The following FANCA variants were observed in gnomAD, a reference collection of about 807,000 sequenced individuals.
FANCA encodes FA complementation group A, also known as Fanconi anemia group A protein.
A neutral mutation model predicts 194.3 loss-of-function variants in FANCA; 236 were observed. That is an observed-to-expected ratio of 1.21 (90% CI 1.09 to 1.35). The LOEUF (loss-of-function observed/expected upper bound fraction) is 1.35, where lower values mean the gene tolerates loss of function less well. FANCA is among the 40% of genes most tolerant of loss of function. FANCA has a pLI of 0.00. For synonymous variants in FANCA, 1,014 were observed against 715.8 expected (o/e 1.42, Z -6.65); for missense variants, 2,628 against 1,813.9 (o/e 1.45, Z -8.15).
chr16:89,811,484 T>C (rs17225789), intron 3 of FANCA, among the ~76,000 whole-genome samples: 3,857 of 152,252 alleles, frequency 0.025, 170 homozygotes, highest in African/African-American at 0.088. Flanking sequence ...ACATTGATGG[T>C]TGTGATAAAA....
chr16:89,761,736 T>C (rs540258223), intron 29 of FANCA, among the ~76,000 whole-genome samples: 1 of 152,274 alleles, frequency 6.6e-6, no homozygotes, highest in South Asian at 2.1e-4. Context: ...GCAATGCTCC[T>C]GCTCAGCTTC....
In FANCA at chr16:89,814,371, A is replaced by C. The variant is rs1281414776; in HGVS notation, c.283+149T>G. 47 of 605,600 alleles carry C rather than the reference A, an allele frequency of 7.8e-5. No homozygotes were observed. In the East Asian group the frequency reaches 1.3e-3, roughly 17 times the overall value. 37.5% of individuals were successfully genotyped at this position (605,600 alleles called of 1,614,324 possible). The stretch of plus-strand genomic sequence containing the variant: ...CGTAAGAAGCCCAAGAGCAAGTCAC[A>C]CAAACATCCCATAGAATTTGCGACT... On this transcript the variant is annotated intron_variant, in intron 3 of 42. Transcript: ENST00000389301.
At chr16:89,808,852 G>A (rs1255261908) in intron 5 of FANCA, among the ~76,000 whole-genome samples, 3 of 151,234 alleles carry the variant, frequency 2.0e-5, no homozygotes, top group East Asian at 1.9e-4. Context: ...CACTGTGCCT[G>A]TCACACTGCC....
At chr16:89,740,148 C>A in intron 38 of FANCA, 49 bp from the exon 39 acceptor site, 1 of 1,466,300 alleles carries the variant, frequency 6.8e-7, no homozygotes, top group South Asian at 1.1e-5. Flanking sequence ...CTGGTGCTCC[C>A]ATGGGTAGGA....
rs1040737674 is a variant in FANCA at position 89,770,314 on chromosome 16, T to G, written c.2223-55A>C. On this transcript the variant is annotated intron_variant, in intron 24 of 42. Coordinates refer to ENST00000389301, the MANE Select transcript of FANCA (RefSeq NM_000135.4). ...CTAGCCATTCAGTCCTGCACATCCCTCCAACAGCTAATCCAACCACCAGCG... is the reference window on the plus strand; with the variant it reads ...CTAGCCATTCAGTCCTGCACATCCCGCCAACAGCTAATCCAACCACCAGCG... The G allele has an allele frequency of 2.1e-6, 3 of 1,429,918 alleles. No homozygotes were observed. In the East Asian group the frequency reaches 7.4e-5, roughly 35 times the overall value. 88.6% of individuals were successfully genotyped at this position (1,429,918 alleles called of 1,614,324 possible).
At chr16:89,762,481 C>A (rs977893506) in intron 28 of FANCA, among the ~76,000 whole-genome samples, 1 of 151,492 alleles carries the variant, frequency 6.6e-6, no homozygotes, top group Admixed American at 6.6e-5. Context: ...GTGGTCCCAG[C>A]CTCTTGGGAG....
chr16:89,801,699 C>T (rs865838397), intron 8 of FANCA, among the ~76,000 whole-genome samples: 1 of 152,022 alleles, frequency 6.6e-6, no homozygotes, highest in Admixed American at 6.6e-5. Flanking sequence ...ACCATCCTAG[C>T]CAACAGAGTG....
At chr16:89,768,261 T>C (rs1382523004) in intron 26 of FANCA, among the ~76,000 whole-genome samples, 1 of 152,174 alleles carries the variant, frequency 6.6e-6, no homozygotes, top group Non-Finnish European at 1.5e-5. Context: ...GCAATACCCA[T>C]GTGAAAAATT....
Position 89,749,849 on chromosome 16 carries a change from G to T in FANCA, c.3120C>A (p.His1040Gln). 6.2e-7 allele frequency: 1 copy of T among 1,614,210 alleles called. No individual in the cohort carries two copies. The highest frequency in any genetic ancestry group is 8.5e-7 in the Non-Finnish European group (1 of 1,180,024). Residue 1040 changes from histidine (H) to glutamine (Q), a missense_variant, in exon 32 of 43, where the codon CAC becomes CAA. Transcript: ENST00000389301. The part of the protein sequence containing the change: ...LQQDLIVPLG[H>Q]TPSQEHFLFE... ...AGAGGAAGTGCTCCTGGGAAGGGGT[G>T]TGGCCGAGAGGCACTATGAGGTCTT...
chr16:89,779,002 T>A lies in FANCA; in HGVS notation c.1717A>T (p.Ile573Leu). ...NIPVTVMEAS[I>L]FRRPYYVSHF... is the part of the protein sequence containing the mutation. ...GACACGTAGTAAGGCCTCCTGAATA[T>A]GCTGCAACACAGAGAAGCAGACAGT... Residue 573 changes from isoleucine (I) to leucine (L), a missense_variant and splice_region_variant, in exon 19 of 43, where the codon ATA becomes TTA. Coordinates refer to ENST00000389301, the MANE Select transcript of FANCA (RefSeq NM_000135.4). The A allele has an allele frequency of 1.2e-5, 20 of 1,613,306 alleles. No homozygotes were observed. Among genetic ancestry groups the A allele is most frequent in the Non-Finnish European group, 1.7e-5 (20 of 1,179,984 alleles).
In FANCA at chr16:89,759,318, T is replaced by TTAAAAAAAAAAAAAAAAAAA. The variant is rs1224981781; in HGVS notation, c.2853-614_2853-613insTTTTTTTTTTTTTTTTTTTA. Among the ~76,000 whole-genome samples the TTAAAAAAAAAAAAAAAAAAA allele has an allele frequency of 5.7e-4, 43 of 75,204 alleles. 11 individuals carry two copies. The highest frequency in any genetic ancestry group is 1.8e-3 in the African/African-American group (36 of 19,548). 49.3% of individuals were successfully genotyped at this position (75,204 alleles called of 152,430 possible). A position where few individuals can be genotyped will look rare whatever the true frequency, so the allele number is the denominator to read the frequency against. On this transcript the variant is annotated intron_variant, in intron 29 of 42. Transcript: ENST00000389301. ...TTGGGCAACAGAGCGAGACTCCGTC[T>TTAAAAAAAAAAAAAAAAAAA]AAAAAAAAAAAAAAAAAAAAAAAAA... is the stretch of plus-strand genomic sequence containing the variant.
intron 15 of FANCA, among the ~76,000 whole-genome samples, chr16:89,784,642 C>G (rs2039836372): frequency 6.6e-6 from 1 of 152,088 alleles, no homozygotes; most frequent in African/African-American, 2.4e-5. Context: ...GGCACACACG[C>G]ACTCACTGTG....
rs760997256 is a variant in FANCA at position 89,770,041 on chromosome 16, G to T, written c.2317-17C>A. 8 of 1,611,566 alleles carry T rather than the reference G, an allele frequency of 5.0e-6. No individual in the cohort carries two copies. The highest frequency in any genetic ancestry group is 4.2e-6 in the Non-Finnish European group (5 of 1,179,250). On this transcript the variant is annotated splice_polypyrimidine_tract_variant and intron_variant, in intron 25 of 42. Coordinates refer to ENST00000389301, the MANE Select transcript of FANCA (RefSeq NM_000135.4). ...GCTCGGGCCCTGCAACGAGAATGAG[G>T]GTGGCAGAGCAGACTGCCCTCTTCC...
Position 89,738,129 on chromosome 16 carries a change from G to A in FANCA, c.*472C>T, listed in dbSNP as rs1394367590. On this transcript the variant is annotated 3_prime_UTR_variant, in exon 43 of 43. Transcript: ENST00000389301. ...ACCTCAATGTACACATGTCCATGGT[G>A]CACCCGCTGACACAGACCCAGGACA... is the stretch of plus-strand genomic sequence containing the variant. 1.2e-6 allele frequency: 2 copies of A among 1,613,624 alleles called. No homozygotes were observed. The highest frequency in any genetic ancestry group is 1.3e-5 in the African/African-American group (1 of 74,922).
In FANCA at chr16:89,808,295, T is replaced by C. The variant is rs2143656714; in HGVS notation, c.595A>G (p.Ser199Gly). The part of the protein sequence containing the change: ...GIVSLQELLE[S>G]HPDMHAVGSW... ...ACTGAATCATCATTAGCACGCTACCTTTCCAGCAGCTCTTGCAGGCTCACA... is the reference window on the plus strand; with the variant it reads ...ACTGAATCATCATTAGCACGCTACCCTTCCAGCAGCTCTTGCAGGCTCACA... The change falls in exon 6 of 43, where the codon AGC becomes GGC. Residue 199 changes from serine to glycine, a missense_variant and splice_region_variant. Physicochemically the swap from Ser to Gly is moderately conservative, Grantham distance 56. Transcript: ENST00000389301. 1 of 1,613,908 alleles carries C rather than the reference T, an allele frequency of 6.2e-7. No homozygotes were observed. The highest frequency in any genetic ancestry group is 2.2e-5 in the East Asian group (1 of 44,882).
chr16:89,754,195 C>A (rs528014926), intron 30 of FANCA, among the ~76,000 whole-genome samples: 1 of 151,732 alleles, frequency 6.6e-6, no homozygotes, highest in African/African-American at 2.4e-5. Context: ...GCACTCCAGC[C>A]TGGGTGACAG....
chr16:89,761,107 T>A (rs2038935395), intron 29 of FANCA, among the ~76,000 whole-genome samples: 1 of 152,100 alleles, frequency 6.6e-6, no homozygotes, highest in African/African-American at 2.4e-5. Context: ...GTTTCTTAAA[T>A]AAAGGAATAA....
rs71137677 is a variant in FANCA, at chr16:89,812,646, C to CAAAAAAAAAAAAAA, written c.284-1589_284-1576dup. 7.6e-4 allele frequency among the ~76,000 whole-genome samples: 32 copies of CAAAAAAAAAAAAAA among 42,340 alleles called. 1 individual carries two copies. The highest frequency in any genetic ancestry group is 1.5e-3 in the African/African-American group (24 of 15,662). The allele number at this position is 42,340 out of a possible 152,430, so 27.8% of individuals were successfully genotyped here. ...GGGTAACAAGAGCAATACTCCGTCT[C>CAAAAAAAAAAAAAA]AAAAAAAAAAAAAAAAAAAAAAAAC... is the stretch of plus-strand genomic sequence containing the variant. On this transcript the variant is annotated intron_variant, in intron 3 of 42. Transcript: ENST00000389301.
At chr16:89,758,525 TC>T in intron 30 of FANCA, 51 bp downstream of exon 30, 1 of 1,600,028 alleles carries the variant, frequency 6.2e-7, no homozygotes, top group Non-Finnish European at 8.6e-7. Flanking sequence ...TTTATATATA[TC>T]CTATTAGTCC....
Sources: allele counts gnomAD v4.1 joint callset (sites outside exome capture counted in the v4.1 genomes callset), GRCh38; gene constraint gnomAD v4.1.1; transcripts MANE v1.5; gene names NCBI Gene and HGNC (gene_info 2026-07-23, HGNC 2026-07-21).